The following SLC39A11 variants were observed in gnomAD, a reference collection of about 807,000 sequenced individuals.
SLC39A11 encodes solute carrier family 39 member 11.
In SLC39A11, 33 loss-of-function variants were observed where a neutral mutation model predicts 36.1. The ratio of observed to expected loss-of-function variants is 0.91; its 90% CI spans 0.69 to 1.22. SLC39A11 has a LOEUF of 1.22. SLC39A11 is among the 50% of genes most tolerant of loss of function. The probability of loss-of-function intolerance (pLI) is 0.00; values close to 1 mark genes in which losing one functional copy is unlikely to be tolerated. For missense variants in SLC39A11, 432 were observed against 430.3 expected, an observed-to-expected ratio of 1.00 and a Z score of -0.03; for synonymous variants, 166 against 170.3, an observed-to-expected ratio of 0.97 and a Z score of 0.20.
chr17:72,680,880 G>A (rs2071482527), intron 7 of SLC39A11, among the ~76,000 whole-genome samples: 1 of 152,144 alleles, frequency 6.6e-6, no homozygotes, highest in South Asian at 2.1e-4. Flanking sequence ...CATTTGGGTT[G>A]TTTCTACCTT....
intron 7 of SLC39A11, among the ~76,000 whole-genome samples, chr17:72,668,242 C>T (rs1232070963): frequency 3.3e-5 from 5 of 151,712 alleles, no homozygotes; most frequent in Non-Finnish European, 7.4e-5. Context: ...CAGTGACTCA[C>T]TGGCTTCTAG....
chr17:72,713,218 T>A (rs1223898068), intron 7 of SLC39A11, among the ~76,000 whole-genome samples: 1 of 152,088 alleles, frequency 6.6e-6, no homozygotes, highest in African/African-American at 2.4e-5. Context: ...AGGGTAAGAA[T>A]CTCGGCTGAA....
chr17:72,665,410 T>TTTTTTTTTA (rs2070706791), intron 7 of SLC39A11, among the ~76,000 whole-genome samples: 2 of 146,292 alleles, frequency 1.4e-5, no homozygotes, highest in Admixed American at 1.4e-4. Context: ...TTTTTTTTTT[T>TTTTTTTTTA]GAGACAGGGT....
intron 6 of SLC39A11, among the ~76,000 whole-genome samples, chr17:72,742,705 G>A (rs529678254): frequency 9.2e-5 from 14 of 151,774 alleles, no homozygotes; most frequent in African/African-American, 3.1e-4. Flanking sequence ...CAGACAACTC[G>A]TGCACTTTTA....
chr17:73,023,178 A>G (rs191013638), intron 4 of SLC39A11, among the ~76,000 whole-genome samples: 164 of 152,190 alleles, frequency 1.1e-3, no homozygotes, highest in African/African-American at 3.6e-3. Context: ...CCAGTGCCCA[A>G]CTAACAGCTG....
At chr17:73,022,264 C>G (rs908764544) in intron 4 of SLC39A11, among the ~76,000 whole-genome samples, 2 of 152,210 alleles carry the variant, frequency 1.3e-5, no homozygotes. Flanking sequence ...CACTTGCAGG[C>G]ATCCACAGAA....
At chr17:72,974,984 A>G (rs2087739610) in intron 4 of SLC39A11, among the ~76,000 whole-genome samples, 1 of 152,186 alleles carries the variant, frequency 6.6e-6, no homozygotes, top group Admixed American at 6.5e-5. Context: ...CCTACAGCCT[A>G]TGTGTGCAGT....
chr17:72,764,338 TG>T (rs920934034), intron 6 of SLC39A11, among the ~76,000 whole-genome samples: 4 of 152,110 alleles, frequency 2.6e-5, no homozygotes, highest in Non-Finnish European at 4.4e-5. Flanking sequence ...TCAGCTGTGG[TG>T]GGGACAAGGC....
At position 73,086,226 on chromosome 17, in the gene SLC39A11, C is replaced by T. The variant is rs138554732; in HGVS notation, c.109-1380G>A. ...GATCTGGGCTCTAGTTTCATGAGCA[C>T]TTGTGGAAAGTTATCAAGCTGCATA... is the stretch of plus-strand genomic sequence containing the variant. On this transcript the variant is annotated intron_variant, in intron 2 of 9. Transcript: ENST00000255559. Among the ~76,000 whole-genome samples the T allele has an allele frequency of 7.7e-3, 1,168 of 152,154 alleles. 14 individuals are homozygous for T. Among genetic ancestry groups the T allele is most frequent in the African/African-American group, 0.025 (1,056 of 41,506 alleles).
chr17:72,745,281 G>A (rs2074887729), intron 6 of SLC39A11, among the ~76,000 whole-genome samples: 1 of 152,216 alleles, frequency 6.6e-6, no homozygotes, highest in Non-Finnish European at 1.5e-5. Context: ...CCCGCTGCTG[G>A]GGCAGAAATG....
intron 7 of SLC39A11, among the ~76,000 whole-genome samples, chr17:72,697,788 T>A (rs1057223732): frequency 3.0e-5 from 4 of 134,440 alleles, no homozygotes; most frequent in Non-Finnish European, 4.7e-5. Context: ...TAAATGCTCC[T>A]ATGTCTGATT....
At chr17:73,064,971 C>A (rs2059955917) in intron 3 of SLC39A11, among the ~76,000 whole-genome samples, 1 of 152,164 alleles carries the variant, frequency 6.6e-6, no homozygotes, top group African/African-American at 2.4e-5. Context: ...GACAGGGCTT[C>A]CCCTTTCTCC....
At chr17:72,905,915 G>A (rs549361872) in intron 5 of SLC39A11, among the ~76,000 whole-genome samples, 54 of 152,190 alleles carry the variant, frequency 3.5e-4, no homozygotes, top group Admixed American at 1.4e-3. Context: ...CACCACGCCC[G>A]GCTAATGTTT....
chr17:72,937,010 T>A (rs1049039219), intron 5 of SLC39A11, among the ~76,000 whole-genome samples: 1 of 152,114 alleles, frequency 6.6e-6, no homozygotes, highest in African/African-American at 2.4e-5. Flanking sequence ...TGCCCAGGGG[T>A]TGGGGACCCT....
At chr17:73,073,507 C>A (rs929966542) in intron 3 of SLC39A11, among the ~76,000 whole-genome samples, 3 of 152,148 alleles carry the variant, frequency 2.0e-5, no homozygotes, top group Admixed American at 2.0e-4. Context: ...GAGTGCCCAC[C>A]CAGAAGGCAG....
intron 4 of SLC39A11, among the ~76,000 whole-genome samples, chr17:73,016,941 T>G (rs1316822472): frequency 3.3e-5 from 5 of 152,226 alleles, no homozygotes; most frequent in African/African-American, 1.2e-4. Flanking sequence ...CTTAAGCGCC[T>G]GTTAATTAAA....
At chr17:73,088,260 C>T (rs565619647) in intron 2 of SLC39A11, among the ~76,000 whole-genome samples, 7 of 148,076 alleles carry the variant, frequency 4.7e-5, no homozygotes, top group South Asian at 2.1e-4. Flanking sequence ...TGCCACTGCA[C>T]GCCAGGCTGG....
At position 73,030,425 on chromosome 17, in the gene SLC39A11, T is replaced by C. The variant is rs534127211; in HGVS notation, c.306+1131A>G. Among the ~76,000 whole-genome samples, 13 of 152,278 alleles carry C rather than the reference T, an allele frequency of 8.5e-5. No homozygotes were observed. The South Asian group carries it at 2.5e-3, about 29-fold the overall frequency. Reference sequence around the variant, plus strand: ...ATCGTTATAGTTACAGAATCACCCATCATTCCTTCTCTTTCTCCACTTGGG... The same window carrying C: ...ATCGTTATAGTTACAGAATCACCCACCATTCCTTCTCTTTCTCCACTTGGG... On this transcript the variant is annotated intron_variant, in intron 4 of 9. Coordinates refer to ENST00000255559, the MANE Select transcript of SLC39A11 (RefSeq NM_139177.4).
At chr17:72,812,714 A>G (rs551350213) in intron 6 of SLC39A11, among the ~76,000 whole-genome samples, 1 of 152,330 alleles carries the variant, frequency 6.6e-6, no homozygotes, top group East Asian at 1.9e-4. Flanking sequence ...GAACTTTAAC[A>G]TTCTATGATA....
Sources: gnomAD v4.1 joint callset for allele counts (sites outside exome capture counted in the v4.1 genomes callset) on GRCh38, gnomAD v4.1.1 for gene constraint, MANE v1.5 for transcripts, NCBI Gene and HGNC (gene_info 2026-07-23, HGNC 2026-07-21) for gene names.